Variants in TOMM6 observed in about 807,000 individuals in gnomAD.
The protein encoded by TOMM6 is mitochondrial import receptor subunit TOM6 homolog.
TOMM6 carries 6 observed loss-of-function variants against 6.0 expected under a neutral mutation model. That is an observed-to-expected ratio of 1.00 (90% CI 0.55 to 1.98). The LOEUF is 1.98. Ranked by LOEUF, TOMM6 falls within the 30% of genes most tolerant of loss-of-function variation. TOMM6 has a pLI of 0.00. For missense variants in TOMM6, 104 were observed against 95.3 expected (o/e 1.09, Z -0.38); for synonymous variants, 44 against 36.3 (o/e 1.21, Z -0.76).
At chr6:41,789,203 AG>A (rs1313322028) in intron 1 of TOMM6, 28 bp from the exon 2 acceptor site, 6 of 1,540,358 alleles carry the variant, frequency 3.9e-6, no homozygotes, top group African/African-American at 2.7e-5. Flanking sequence ...CAGTGACCAC[AG>A]GGTTAATAAA....
At chr6:41,789,098 G>C in intron 1 of TOMM6, 134 bp from the exon 2 acceptor site, 1 of 805,818 alleles carries the variant, frequency 1.2e-6, no homozygotes, top group Non-Finnish European at 2.0e-6. Flanking sequence ...CGTGGGTCTT[G>C]AGCAACCTGC....
At position 41,789,297 on chromosome 6, in the gene TOMM6, T is replaced by A. The variant is rs1191619540; in HGVS notation, c.194T>A (p.Ile65Asn). Residue 65 changes from isoleucine to asparagine, a missense_variant, in exon 2 of 3, where the codon ATT becomes AAT. Coordinates refer to ENST00000398881, the MANE Select transcript of TOMM6 (RefSeq NM_001382294.1). ...TGGCTGGCCAGGAACTTGAGTGACA[T>A]TGACCTCATGGCACCTCAGCCAGGG... ...GVWLARNLSD[I>N]DLMAPQPGV The A allele has an allele frequency of 1.3e-6, 2 of 1,551,680 alleles. No individual in the cohort carries two copies. The highest frequency in any genetic ancestry group is 4.9e-5 in the East Asian group (2 of 40,928).
chr6:41,788,146 GTTT>G lies in TOMM6; in HGVS notation c.128+335_128+337del, dbSNP rs1363261822. ...GCGTTTGATCTTACATTTCTTTTTT[GTTT>G]TTTTTTTTTTTTTGAGACGGAGTCT... is the stretch of plus-strand genomic sequence containing the variant. On this transcript the variant is annotated intron_variant, in intron 1 of 2. Coordinates refer to ENST00000398881, the MANE Select transcript of TOMM6 (RefSeq NM_001382294.1). Among the ~76,000 whole-genome samples, 145 of 95,964 alleles carry G rather than the reference GTTT, an allele frequency of 1.5e-3. 3 individuals carry two copies. Among genetic ancestry groups the G allele is most frequent in the Middle Eastern group, 9.3e-3 (2 of 216 alleles). 63.0% of individuals were successfully genotyped at this position (95,964 alleles called of 152,430 possible). A position where few individuals can be genotyped will look rare whatever the true frequency, so the allele number is the denominator to read the frequency against.
chr6:41,788,698 G>A (rs1200424137), intron 1 of TOMM6, among the ~76,000 whole-genome samples: 24 of 148,994 alleles, frequency 1.6e-4, no homozygotes, highest in African/African-American at 6.0e-4. Context: ...CGATCCACCC[G>A]ACTCTGCCTC....
At chr6:41,789,377 A>G (rs1488690203) in intron 2 of TOMM6, 41 bp downstream of exon 2, 1 of 1,401,626 alleles carries the variant, frequency 7.1e-7, no homozygotes, top group South Asian at 1.2e-5. Context: ...TAGGAGACCT[A>G]GAGACTGGGT....
intron 2 of TOMM6, 110 bp downstream of exon 2, chr6:41,789,446 C>G (rs563736906): frequency 1.2e-6 from 1 of 814,896 alleles, no homozygotes. Flanking sequence ...ATGTAAAACC[C>G]TTAACTATTC....
In TOMM6 at chr6:41,789,219, A is replaced by G. The variant is rs1272411931; in HGVS notation, c.129-13A>G. ...AGTGACCACAGGGTTAATAAAACAC[A>G]TTGTTTTTCCAGGAACTTGATACTA... On this transcript the variant is annotated splice_polypyrimidine_tract_variant and intron_variant, in intron 1 of 2. Coordinates refer to ENST00000398881, the MANE Select transcript of TOMM6 (RefSeq NM_001382294.1). 1 of 1,549,526 alleles carries G rather than the reference A, an allele frequency of 6.5e-7. No individual in the cohort carries two copies. The highest frequency in any genetic ancestry group is 8.7e-7 in the Non-Finnish European group (1 of 1,146,290).
rs562467389 is a variant in TOMM6 at position 41,789,642 on chromosome 6, CT to C, written c.*84del. On this transcript the variant is annotated 3_prime_UTR_variant, in exon 3 of 3. Coordinates refer to ENST00000398881, the MANE Select transcript of TOMM6 (RefSeq NM_001382294.1). Reference sequence around the variant, plus strand: ...ATCTGTGACCACCACAAGATGTGCCCTGATGGCAGCTGAAGTTTGATTCAGA... The same window carrying C: ...ATCTGTGACCACCACAAGATGTGCCCGATGGCAGCTGAAGTTTGATTCAGA... 695 of 280,916 alleles carry C rather than the reference CT, an allele frequency of 2.5e-3. No individual in the cohort carries two copies. Among genetic ancestry groups the C allele is most frequent in the Non-Finnish European group, 3.6e-3 (511 of 141,902 alleles). The allele number at this position is 280,916 out of a possible 1,614,324, so 17.4% of individuals were successfully genotyped here.
At chr6:41,787,862 C>T (rs1457993104) in intron 1 of TOMM6, 37 bp downstream of exon 1, 4 of 1,547,718 alleles carry the variant, frequency 2.6e-6, no homozygotes, top group Non-Finnish European at 3.5e-6. Context: ...TTTTCTGGCC[C>T]TTAAATCCGT....
chr6:41,787,995 T>A (rs1461969883), intron 1 of TOMM6, among the ~76,000 whole-genome samples, 170 bp downstream of exon 1: 1 of 152,176 alleles, frequency 6.6e-6, no homozygotes, highest in Non-Finnish European at 1.5e-5. Context: ...CCAGGAGAGT[T>A]CCCGTGTGGC....
chr6:41,787,895 G>T, intron 1 of TOMM6, 70 bp downstream of exon 1: 1 of 1,527,136 alleles, frequency 6.5e-7, no homozygotes, highest in African/African-American at 1.4e-5. Context: ...TTGCGAGGCT[G>T]GCGCCTCAGG....
At chr6:41,789,209 A>G in intron 1 of TOMM6, 23 bp from the exon 2 acceptor site, 7 of 1,544,606 alleles carry the variant, frequency 4.5e-6, no homozygotes, top group Non-Finnish European at 5.3e-6. Context: ...CCACAGGGTT[A>G]ATAAAACACA....
At chr6:41,788,388 C>T (rs1772723503) in intron 1 of TOMM6, among the ~76,000 whole-genome samples, 1 of 149,634 alleles carries the variant, frequency 6.7e-6, no homozygotes, top group Non-Finnish European at 1.5e-5. Flanking sequence ...TCGTGATCCG[C>T]CCGCCTCGGC....
intron 1 of TOMM6, 104 bp from the exon 2 acceptor site, chr6:41,789,128 C>T (rs997606268): frequency 2.5e-5 from 27 of 1,063,426 alleles, no homozygotes; most frequent in Admixed American, 2.0e-4. Flanking sequence ...CACGTATCAA[C>T]GCCTCGGGAA....
chr6:41,789,413 C>A, intron 2 of TOMM6, 77 bp downstream of exon 2: 1 of 1,062,738 alleles, frequency 9.4e-7, no homozygotes. Flanking sequence ...GTCAAGTATT[C>A]ATGAAATGTA....
chr6:41,789,206 G>T, intron 1 of TOMM6, 26 bp from the exon 2 acceptor site: 3 of 1,543,910 alleles, frequency 1.9e-6, no homozygotes, highest in South Asian at 1.2e-5. Context: ...TGACCACAGG[G>T]TTAATAAAAC....
rs1387344814 is a variant in TOMM6 at position 41,787,787 on chromosome 6, C to T, written c.90C>T (p.Gly30=). The T allele has an allele frequency of 6.4e-7, 1 of 1,551,758 alleles. No homozygotes were observed. The highest frequency in any genetic ancestry group is 8.7e-7 in the Non-Finnish European group (1 of 1,147,000). The change falls in exon 1 of 3, where the codon GGC becomes GGT. Residue 30 remains glycine, a synonymous_variant. Transcript: ENST00000398881. ...IPDNVGDWLR[G]VYRFATDRND... is the part of the protein sequence containing the mutation. The stretch of plus-strand genomic sequence containing the variant: ...ACAACGTGGGAGATTGGCTTCGGGG[C>T]GTCTACCGCTTTGCCACTGATAGGA...
chr6:41,787,838 G>T lies in TOMM6; in HGVS notation c.128+13G>T, dbSNP rs1581981511. 1 of 1,551,618 alleles carries T rather than the reference G, an allele frequency of 6.4e-7. No individual in the cohort carries two copies. Among genetic ancestry groups the T allele is most frequent in the East Asian group, 2.4e-5 (1 of 40,920 alleles). On this transcript the variant is annotated intron_variant, in intron 1 of 2. Coordinates refer to ENST00000398881, the MANE Select transcript of TOMM6 (RefSeq NM_001382294.1). ...ATGACTTCCGGAGGTAACCGAGCCC[G>T]AGGAACTTGGTCCTTTTCTGGCCCT...
At chr6:41,788,358 A>G (rs967561557) in intron 1 of TOMM6, among the ~76,000 whole-genome samples, 1 of 132,296 alleles carries the variant, frequency 7.6e-6, no homozygotes, top group African/African-American at 2.8e-5. Context: ...GTTATCCAGG[A>G]TGGTCTCGAT....
Sources: allele counts gnomAD v4.1 joint callset (sites outside exome capture counted in the v4.1 genomes callset), GRCh38; gene constraint gnomAD v4.1.1; transcripts MANE v1.5; gene names NCBI Gene and HGNC (gene_info 2026-07-23, HGNC 2026-07-21).